Variants in EFCAB5 observed in about 807,000 individuals in gnomAD.
EFCAB5 encodes the protein EF-hand calcium-binding domain-containing protein 5.
A neutral mutation model predicts 167.9 loss-of-function variants in EFCAB5; 131 were observed. That is an observed-to-expected ratio of 0.78 (90% CI 0.68 to 0.90). The LOEUF is 0.90. Ranked by LOEUF, EFCAB5 falls within the 40% of genes least tolerant of loss-of-function variation. The probability of loss-of-function intolerance (pLI) is 0.00; values close to 1 mark genes in which losing one functional copy is unlikely to be tolerated. For missense variants in EFCAB5, 1,663 were observed against 1,745.2 expected, an observed-to-expected ratio of 0.95 and a Z score of 0.84; for synonymous variants, 574 against 602.8, an observed-to-expected ratio of 0.95 and a Z score of 0.70.
chr17:29,942,324 C>G, intron 2 of EFCAB5, 22 bp downstream of exon 2: 8 of 1,551,064 alleles, frequency 5.2e-6, no homozygotes, highest in Non-Finnish European at 7.0e-6. Flanking sequence ...ATGAATAAAT[C>G]AGATATTAAT....
rs1006643841 is a variant in EFCAB5, at chr17:30,053,320, C to T, written c.1366C>T (p.His456Tyr). 6.2e-7 allele frequency: 1 copy of T among 1,613,732 alleles called. No individual in the cohort carries two copies. Among genetic ancestry groups the T allele is most frequent in the African/African-American group, 1.3e-5 (1 of 75,006 alleles). ...ELWGDMDNQK[H>Y]IYEGFDKVLL... is the part of the protein sequence containing the mutation. ...GTGGGGAGACATGGATAATCAGAAA[C>T]ACATTTATGAAGGTTTTGACAAAGT... The change falls in exon 10 of 23, where the codon CAC (histidine) becomes TAC (tyrosine). Residue 456 changes from histidine (H) to tyrosine (Y), a missense_variant. Physicochemically the swap from His to Tyr is moderately conservative, Grantham distance 83. Coordinates refer to ENST00000394835, the MANE Select transcript of EFCAB5 (RefSeq NM_198529.4).
intron 3 of EFCAB5, among the ~76,000 whole-genome samples, chr17:29,947,396 G>A (rs1245922298): frequency 3.3e-5 from 5 of 151,958 alleles, no homozygotes; most frequent in Non-Finnish European, 7.4e-5. Flanking sequence ...GCGATATAAT[G>A]GGCTATGGAG....
At chr17:30,068,502 C>T (rs186921876) in intron 14 of EFCAB5, 1 of 542,130 alleles carries the variant, frequency 1.8e-6, no homozygotes, top group Non-Finnish European at 3.2e-6. Context: ...AAGAGGACAC[C>T]AAAAAATGGA....
rs780417427 is a variant in EFCAB5, at chr17:30,087,116, A to G, written c.3633A>G (p.Thr1211=). Residue 1211 remains threonine (T), a synonymous_variant, in exon 19 of 23, where the codon ACA becomes ACG. Coordinates refer to ENST00000394835, the MANE Select transcript of EFCAB5 (RefSeq NM_198529.4). ...NMMVTGQLGL[T]EIHKNPPTIH... is the part of the protein sequence containing the mutation. Reference sequence around the variant, plus strand: ...TGGTTACAGGGCAGCTGGGTCTAACAGAAATCCACAAAAATCCTCCTACCA... The same window carrying G: ...TGGTTACAGGGCAGCTGGGTCTAACGGAAATCCACAAAAATCCTCCTACCA... The G allele has an allele frequency of 1.9e-6, 3 of 1,613,738 alleles. No homozygotes were observed. Among genetic ancestry groups the G allele is most frequent in the Non-Finnish European group, 2.5e-6 (3 of 1,179,718 alleles).
intron 4 of EFCAB5, among the ~76,000 whole-genome samples, chr17:29,977,699 A>G (rs1473715089): frequency 6.6e-6 from 1 of 152,250 alleles, no homozygotes; most frequent in East Asian, 1.9e-4. Flanking sequence ...AGAGAGAAAC[A>G]CAAAGAGGTA....
At chr17:29,944,212 A>G (rs955971389) in intron 3 of EFCAB5, among the ~76,000 whole-genome samples, 5 of 151,942 alleles carry the variant, frequency 3.3e-5, no homozygotes, top group Admixed American at 3.3e-4. Flanking sequence ...AGTTGCTGGG[A>G]CTATGGGCAC....
intron 22 of EFCAB5, among the ~76,000 whole-genome samples, chr17:30,097,409 G>A (rs1284340224): frequency 6.6e-6 from 1 of 152,162 alleles, no homozygotes; most frequent in African/African-American, 2.4e-5. Context: ...AGCCTAAAAA[G>A]AGTCACTAGC....
intron 4 of EFCAB5, among the ~76,000 whole-genome samples, chr17:29,980,714 AT>A: frequency 6.6e-6 from 1 of 152,302 alleles, no homozygotes; most frequent in South Asian, 2.1e-4. Flanking sequence ...GAGTGCTCAC[AT>A]TCCAACATGA....
chr17:30,097,061 T>TACATATACATATA (rs200670086), intron 22 of EFCAB5, among the ~76,000 whole-genome samples: 1 of 51,128 alleles, frequency 2.0e-5, no homozygotes, highest in African/African-American at 1.4e-4. Flanking sequence ...TATATATATA[T>TACATATACATATA]TTTTTTTTTT....
At chr17:30,071,959 A>G (rs9906340) in intron 14 of EFCAB5, among the ~76,000 whole-genome samples, 94,483 of 152,064 alleles carry the variant, frequency 0.62, 31,631 homozygotes, top group African/African-American at 0.88. Context: ...GCTTATTTAA[A>G]GAGAAAGTAG....
At chr17:30,100,489 C>A (rs947287194) in intron 22 of EFCAB5, among the ~76,000 whole-genome samples, 1 of 152,122 alleles carries the variant, frequency 6.6e-6, no homozygotes, top group East Asian at 1.9e-4. Context: ...AGATTTAGGC[C>A]GGGCGTGGTG....
chr17:30,061,444 G>A (rs916790316), intron 14 of EFCAB5, among the ~76,000 whole-genome samples: 1 of 152,190 alleles, frequency 6.6e-6, no homozygotes, highest in Admixed American at 6.5e-5. Context: ...CTTTGTCCAA[G>A]ATTTAAAATT....
chr17:29,956,436 T>C (rs969698003), intron 3 of EFCAB5, among the ~76,000 whole-genome samples: 1 of 152,184 alleles, frequency 6.6e-6, no homozygotes, highest in Non-Finnish European at 1.5e-5. Flanking sequence ...ACAGCTAGAT[T>C]GGTTACAACT....
Position 29,968,997 on chromosome 17 carries a change from A to C in EFCAB5, c.397A>C (p.Ile133Leu). 1 of 1,589,508 alleles carries C rather than the reference A, an allele frequency of 6.3e-7. No homozygotes were observed. Among genetic ancestry groups the C allele is most frequent in the South Asian group, 1.2e-5 (1 of 85,816 alleles). Residue 133 changes from isoleucine to leucine, a missense_variant, in exon 4 of 23, where the codon ATA becomes CTA. Transcript: ENST00000394835. The stretch of plus-strand genomic sequence containing the variant: ...AAGAGCCCAAGCAATGCAGCAGAAA[A>C]TAATAGATAAGGAAAATCTGAAGAA... ...EARAQAMQQK[I>L]IDKENLKKEL...
At chr17:30,017,694 T>C (rs11080111) in intron 7 of EFCAB5, among the ~76,000 whole-genome samples, 14,715 of 152,174 alleles carry the variant, frequency 0.097, 1,627 homozygotes, top group African/African-American at 0.27. Context: ...TTTTTAAAAC[T>C]ACATATTTTA....
chr17:30,079,417 A>G (rs943127731), intron 15 of EFCAB5, among the ~76,000 whole-genome samples: 15 of 152,194 alleles, frequency 9.9e-5, no homozygotes, highest in Non-Finnish European at 4.4e-5. Context: ...GAAAAATATC[A>G]AGGAAAGTGT....
In EFCAB5 at chr17:30,032,800, CTATCT is replaced by C. The variant is rs2069512400; in HGVS notation, c.1045-1426_1045-1422del. ...ATCTTTATTCCTTTCTCCTGCTAAC[CTATCT>C]TATGTCAATTTAATTCTCAGGCCCA... On this transcript the variant is annotated intron_variant, in intron 7 of 22. Transcript: ENST00000394835. Among the ~76,000 whole-genome samples the C allele has an allele frequency of 3.3e-5, 5 of 152,190 alleles. No homozygotes were observed. In the South Asian group the frequency reaches 1.0e-3, roughly 32 times the overall value.
chr17:30,073,169 T>C (rs1375397671), intron 14 of EFCAB5: 10 of 698,632 alleles, frequency 1.4e-5, no homozygotes, highest in Non-Finnish European at 1.0e-5. Context: ...GATCATCCCA[T>C]CACAGACTCC....
At chr17:30,003,508 T>C (rs1329109815) in intron 7 of EFCAB5, among the ~76,000 whole-genome samples, 1 of 151,390 alleles carries the variant, frequency 6.6e-6, no homozygotes, top group Non-Finnish European at 1.5e-5. Context: ...GCTGGGATTA[T>C]AGGCGTGAGC....
Sources: allele counts gnomAD v4.1 joint callset (sites outside exome capture counted in the v4.1 genomes callset), GRCh38; gene constraint gnomAD v4.1.1; transcripts MANE v1.5; gene names NCBI Gene and HGNC (gene_info 2026-07-23, HGNC 2026-07-21).